The following RBMS3 variants were observed in gnomAD, a reference collection of about 807,000 sequenced individuals.
The protein encoded by RBMS3 is RNA binding motif single stranded interacting protein 3.
RBMS3 carries 27 observed loss-of-function variants against 66.8 expected under a neutral mutation model. The ratio of observed to expected loss-of-function variants is 0.40; its 90% CI spans 0.30 to 0.56. The LOEUF (loss-of-function observed/expected upper bound fraction) is 0.56. Among genes scored for constraint, RBMS3 ranks in the 20% least tolerant of loss-of-function variants. The probability of loss-of-function intolerance (pLI) is 0.40; values close to 1 mark genes in which losing one functional copy is unlikely to be tolerated. For missense variants in RBMS3, 513 were observed against 549.5 expected (o/e 0.93, Z 0.66); for synonymous variants, 188 against 183.0 (o/e 1.03, Z -0.22).
intron 1 of RBMS3, among the ~76,000 whole-genome samples, chr3:29,419,548 A>G (rs892086200): frequency 1.3e-5 from 2 of 152,180 alleles, no homozygotes; most frequent in African/African-American, 2.4e-5. Context: ...GGAAATTCTT[A>G]ATACCAGTAG....
At chr3:29,760,528 A>G (rs1430220832) in intron 5 of RBMS3, among the ~76,000 whole-genome samples, 1 of 152,030 alleles carries the variant, frequency 6.6e-6, no homozygotes, top group African/African-American at 2.4e-5. Flanking sequence ...AAGGGCTTAC[A>G]TTTCCTCTCC....
chr3:29,964,019 A>T (rs888303126), intron 12 of RBMS3, among the ~76,000 whole-genome samples: 1 of 152,150 alleles, frequency 6.6e-6, no homozygotes, highest in African/African-American at 2.4e-5. Flanking sequence ...ACACCTGTAA[A>T]AATTTTATTG....
intron 6 of RBMS3, among the ~76,000 whole-genome samples, chr3:29,807,312 C>T (rs1364427165): frequency 6.6e-6 from 1 of 151,854 alleles, no homozygotes; most frequent in East Asian, 1.9e-4. Context: ...AAATCTTTTT[C>T]AGAATGAAGC....
intron 12 of RBMS3, among the ~76,000 whole-genome samples, chr3:29,945,604 A>C (rs1241952668): frequency 6.6e-6 from 1 of 151,778 alleles, no homozygotes; most frequent in Non-Finnish European, 1.5e-5. Flanking sequence ...AACAAGATAC[A>C]TCTACTCTTG....
chr3:29,294,858 G>A (rs191564029), intron 1 of RBMS3, among the ~76,000 whole-genome samples: 3 of 151,752 alleles, frequency 2.0e-5, no homozygotes, highest in Non-Finnish European at 3.0e-5. Flanking sequence ...TTGGACTATA[G>A]TCCAGGAGTA....
chr3:29,705,361 C>G (rs2052835980), intron 4 of RBMS3, among the ~76,000 whole-genome samples: 1 of 152,218 alleles, frequency 6.6e-6, no homozygotes, highest in East Asian at 1.9e-4. Context: ...AGTTTACTTT[C>G]TCCTCCTTTC....
chr3:29,758,667 G>T (rs933745674), intron 5 of RBMS3, among the ~76,000 whole-genome samples: 6 of 152,064 alleles, frequency 3.9e-5, no homozygotes, highest in African/African-American at 1.4e-4. Flanking sequence ...AAACTGAGAA[G>T]AAAATTCATC....
chr3:29,776,167 C>T (rs2371816), intron 6 of RBMS3, among the ~76,000 whole-genome samples: 79,828 of 151,690 alleles, frequency 0.53, 21,428 homozygotes, highest in East Asian at 0.81. Flanking sequence ...GAGCGCCATT[C>T]GTCCAGCTTA....
intron 4 of RBMS3, among the ~76,000 whole-genome samples, chr3:29,598,214 C>G (rs1039328767): frequency 6.6e-6 from 1 of 152,124 alleles, no homozygotes; most frequent in South Asian, 2.1e-4. Context: ...TTATTGGATA[C>G]CAGAATGCAG....
intron 6 of RBMS3, among the ~76,000 whole-genome samples, chr3:29,779,540 G>T (rs1000169282): frequency 6.6e-6 from 1 of 150,776 alleles, no homozygotes; most frequent in Non-Finnish European, 1.5e-5. Context: ...ATTGTTTCTA[G>T]GGTTGAAAAG....
chr3:29,349,692 T>C (rs1338170932), intron 1 of RBMS3, among the ~76,000 whole-genome samples: 11 of 152,216 alleles, frequency 7.2e-5, no homozygotes, highest in Admixed American at 7.2e-4. Flanking sequence ...CAAATGGTAT[T>C]GTATCGTGTG....
At chr3:29,325,339 C>G (rs531216068) in intron 1 of RBMS3, among the ~76,000 whole-genome samples, 1 of 152,024 alleles carries the variant, frequency 6.6e-6, no homozygotes, top group South Asian at 2.1e-4. Flanking sequence ...GATAGATGGG[C>G]TGAGGAATAG....
At position 29,831,765 on chromosome 3, in the gene RBMS3, T is replaced by A. The variant is rs138196623; in HGVS notation, c.638-37093T>A. 5.3e-3 allele frequency among the ~76,000 whole-genome samples: 809 copies of A among 152,212 alleles called. 6 individuals are homozygous for A. Among genetic ancestry groups the A allele is most frequent in the African/African-American group, 0.019 (792 of 41,554 alleles). ...GGTTTACCAAAAGCTGTTAGATTGA[T>A]TTTTCCTCTTGTTTTTCTAAGATTT... On this transcript the variant is annotated intron_variant, in intron 6 of 14. Transcript: ENST00000383767.
At chr3:29,422,671 C>A (rs2040802355) in intron 1 of RBMS3, among the ~76,000 whole-genome samples, 1 of 151,936 alleles carries the variant, frequency 6.6e-6, no homozygotes, top group Non-Finnish European at 1.5e-5. Context: ...TTTTCTTAAA[C>A]TTGAACATTA....
intron 14 of RBMS3, among the ~76,000 whole-genome samples, chr3:30,002,839 G>T (rs754202608): frequency 6.6e-6 from 1 of 151,848 alleles, no homozygotes; most frequent in Non-Finnish European, 1.5e-5. Flanking sequence ...CTGTGAATTG[G>T]GGTTACAGCT....
intron 3 of RBMS3, among the ~76,000 whole-genome samples, chr3:29,521,742 A>AT: frequency 6.6e-6 from 1 of 152,094 alleles, no homozygotes; most frequent in South Asian, 2.1e-4. Flanking sequence ...CATTATCTTC[A>AT]TTTTTCAGTA....
intron 4 of RBMS3, among the ~76,000 whole-genome samples, chr3:29,634,564 C>G (rs572383962): frequency 2.6e-5 from 4 of 151,904 alleles, no homozygotes; most frequent in African/African-American, 9.6e-5. Context: ...GGCAGGTGTT[C>G]TATACTGTGT....
chr3:29,589,152 A>G lies in RBMS3; in HGVS notation c.399+1947A>G, dbSNP rs151139812. On this transcript the variant is annotated intron_variant, in intron 4 of 14. Transcript: ENST00000383767. ...ACACTGATTTTATAACTACTGGGGA[A>G]CCATTATGAATATTTTCCCTCAGTT... 1.7e-3 allele frequency among the ~76,000 whole-genome samples: 256 copies of G among 152,226 alleles called. 1 individual carries two copies. The highest frequency in any genetic ancestry group is 0.013 in the Admixed American group (192 of 15,278).
At chr3:29,742,487 C>T (rs2149353272) in intron 5 of RBMS3, among the ~76,000 whole-genome samples, 1 of 152,326 alleles carries the variant, frequency 6.6e-6, no homozygotes, top group Non-Finnish European at 1.5e-5. Flanking sequence ...CCTGGTTATA[C>T]TTTCCATGGC....
Sources: gnomAD v4.1 joint callset for allele counts (sites outside exome capture counted in the v4.1 genomes callset) on GRCh38, gnomAD v4.1.1 for gene constraint, MANE v1.5 for transcripts, NCBI Gene and HGNC (gene_info 2026-07-23, HGNC 2026-07-21) for gene names.